The following ZNF699 variants were observed in gnomAD, a reference collection of about 807,000 sequenced individuals.
ZNF699 encodes the protein zinc finger protein 699.
Under a neutral mutation model 22.5 loss-of-function variants are expected in ZNF699, and 18 were observed. The observed-to-expected ratio is 0.80, with a 90% CI of 0.55 to 1.19. The LOEUF (loss-of-function observed/expected upper bound fraction) is 1.19, where lower values mean the gene tolerates loss of function less well. Among genes scored for constraint, ZNF699 ranks in the 50% most tolerant of loss-of-function variants. The pLI is 0.00. For missense variants in ZNF699, 670 were observed against 763.4 expected (o/e 0.88, Z 1.44); for synonymous variants, 241 against 262.3 (o/e 0.92, Z 0.78).
intron 1 of ZNF699, among the ~76,000 whole-genome samples, chr19:9,309,115 A>T (rs909298090): frequency 6.7e-6 from 1 of 150,104 alleles, no homozygotes; most frequent in African/African-American, 2.5e-5. Flanking sequence ...CTGGGAACAC[A>T]GGAGAGCACC....
intron 1 of ZNF699, among the ~76,000 whole-genome samples, chr19:9,305,662 C>G (rs1034422096): frequency 3.3e-5 from 5 of 152,122 alleles, no homozygotes; most frequent in African/African-American, 1.2e-4. Flanking sequence ...CCCCTGCCCC[C>G]ATGAGCTGCA....
chr19:9,299,797 C>T (rs7259459), intron 3 of ZNF699, among the ~76,000 whole-genome samples: 16,193 of 151,076 alleles, frequency 0.11, 2,504 homozygotes, highest in African/African-American at 0.34. Flanking sequence ...TATACAAAGA[C>T]TGTAGCAGAT....
Position 9,297,805 on chromosome 19 carries a change from C to A in ZNF699, c.286+75G>T. 8.4e-7 allele frequency: 1 copy of A among 1,197,104 alleles called. No individual in the cohort carries two copies. 74.2% of individuals were successfully genotyped at this position (1,197,104 alleles called of 1,614,324 possible). A position where few individuals can be genotyped will look rare whatever the true frequency, so the allele number is the denominator to read the frequency against. On this transcript the variant is annotated intron_variant, in intron 4 of 5. Coordinates refer to ENST00000591998, the MANE Select transcript of ZNF699 (RefSeq NM_198535.3). This position sits in a 1 kb window ranked among gnomAD's most constrained non-coding sequence, Gnocchi z 4.3. ...GGAAGATGAGCTTCCTCATATAAAA[C>A]AAAGTTTGTTTTTGTTTTTTACTTT...
In ZNF699 at chr19:9,309,745, CG is replaced by C. The variant is rs1003026907; in HGVS notation, c.-402del. 3.3e-5 allele frequency: 5 copies of C among 152,708 alleles called. No individual in the cohort carries two copies. Among genetic ancestry groups the C allele is most frequent in the Admixed American group, 6.5e-5 (1 of 15,320 alleles). 9.5% of individuals were successfully genotyped at this position (152,708 alleles called of 1,614,324 possible). ...CCGACCCGGGGCAGGCAGGGCGGGG[CG>C]GGGCAGGGCAGGACAGGAAGCGGGC... On this transcript the variant is annotated 5_prime_UTR_variant, in exon 1 of 6. Transcript: ENST00000591998.
chr19:9,296,772 T>C lies in ZNF699; in HGVS notation c.632A>G (p.Lys211Arg). The C allele has an allele frequency of 6.2e-6, 10 of 1,614,102 alleles. No individual in the cohort carries two copies. Among genetic ancestry groups the C allele is most frequent in the Non-Finnish European group, 8.5e-6 (10 of 1,180,022 alleles). The change falls in exon 6 of 6, where the codon AAG (lysine) becomes AGG (arginine). Residue 211 changes from lysine (K) to arginine (R), a missense_variant. Lys to Arg is a conservative substitution (Grantham distance 26, BLOSUM62 2). Transcript: ENST00000591998. ...GKAFVDHSSL[K>R]SHIRSHTGSK... ...TCCAGTATGAGACCTGATGTGACTC[T>C]TAAGGGATGAATGATCCACGAAGGC...
At position 9,291,378 on chromosome 19, in the gene ZNF699, C is replaced by T. The variant is rs544894546; in HGVS notation, c.*4097G>A. ...TAAAAAAGTTGGAAGGCTTTCACTA[C>T]CAGATTTCCAAAAATATTACAAAGC... On this transcript the variant is annotated 3_prime_UTR_variant, in exon 6 of 6. Coordinates refer to ENST00000591998, the MANE Select transcript of ZNF699 (RefSeq NM_198535.3). 6 of 152,186 alleles carry T rather than the reference C, an allele frequency of 3.9e-5. No homozygotes were observed. Among genetic ancestry groups the T allele is most frequent in the African/African-American group, 1.4e-4 (6 of 41,502 alleles). The allele number at this position is 152,186 out of a possible 1,614,324, so 9.4% of individuals were successfully genotyped here.
intron 3 of ZNF699, among the ~76,000 whole-genome samples, chr19:9,301,902 T>C (rs1349226611): frequency 6.7e-6 from 1 of 149,214 alleles, no homozygotes; most frequent in Non-Finnish European, 1.5e-5. Context: ...TATTTTCTTT[T>C]TTCTTTTTTT....
At chr19:9,307,271 G>C (rs1428664134) in intron 1 of ZNF699, among the ~76,000 whole-genome samples, 1 of 152,002 alleles carries the variant, frequency 6.6e-6, no homozygotes, top group Non-Finnish European at 1.5e-5. Context: ...CTATGTCTTG[G>C]GCAACGATGC....
In ZNF699 at chr19:9,296,172, C is replaced by T. The variant is rs773775371; in HGVS notation, c.1232G>A (p.Arg411Lys). Residue 411 changes from arginine (R) to lysine (K), a missense_variant, in exon 6 of 6, where the codon AGA becomes AAA. Transcript: ENST00000591998. Reference sequence around the variant, plus strand: ...ATACGGTTTTTCTCCAGTGTGTTTTCTCATATGGATACTTAAGGAGGAGGG... The same window carrying T: ...ATACGGTTTTTCTCCAGTGTGTTTTTTCATATGGATACTTAAGGAGGAGGG... ...NCPSSLSIHM[R>K]KHTGEKPYEC... 1 of 1,613,950 alleles carries T rather than the reference C, an allele frequency of 6.2e-7. No homozygotes were observed. Among genetic ancestry groups the T allele is most frequent in the Non-Finnish European group, 8.5e-7 (1 of 1,179,968 alleles).
Position 9,297,977 on chromosome 19 carries a change from G to C in ZNF699, c.189C>G (p.His63Gln). 6.2e-7 allele frequency: 1 copy of C among 1,611,544 alleles called. No individual in the cohort carries two copies. Among genetic ancestry groups the C allele is most frequent in the South Asian group, 1.1e-5 (1 of 90,980 alleles). Residue 63 changes from histidine to glutamine, a missense_variant, in exon 4 of 6, where the codon CAC (histidine) becomes CAG (glutamine). Coordinates refer to ENST00000591998, the MANE Select transcript of ZNF699 (RefSeq NM_198535.3). The surrounding 1 kb of genome is among the most constrained non-coding windows in gnomAD (Gnocchi z 4.3). ...CCCACTGGGAGATCAGATGGGGTGT[G>C]TGTAGCGGATACCCTGCACAAGCAG... ...QNLASLGYPLHTPHLISQWEQ... is the reference protein window; with the variant it reads ...QNLASLGYPLQTPHLISQWEQ...
Position 9,295,310 on chromosome 19 carries a change from G to T in ZNF699, c.*165C>A. ...ATAAGCAATGTTCATAAAGGCTTTA[G>T]CACATGACTTACATACACAGGGTTT... On this transcript the variant is annotated 3_prime_UTR_variant, in exon 6 of 6. Coordinates refer to ENST00000591998, the MANE Select transcript of ZNF699 (RefSeq NM_198535.3). 1 of 814,968 alleles carries T rather than the reference G, an allele frequency of 1.2e-6. No individual in the cohort carries two copies. Among genetic ancestry groups the T allele is most frequent in the Admixed American group, 2.7e-5 (1 of 37,658 alleles). 50.5% of individuals were successfully genotyped at this position (814,968 alleles called of 1,614,324 possible). A position where few individuals can be genotyped will look rare whatever the true frequency, so the allele number is the denominator to read the frequency against.
chr19:9,302,741 G>A (rs1228286331), intron 2 of ZNF699, among the ~76,000 whole-genome samples: 2 of 152,190 alleles, frequency 1.3e-5, no homozygotes, highest in African/African-American at 4.8e-5. Context: ...TAAATTGCCA[G>A]GCAAATTGGG....
chr19:9,295,847 T>C lies in ZNF699; in HGVS notation c.1557A>G (p.Thr519=), dbSNP rs377691940. The C allele has an allele frequency of 4.2e-5, 68 of 1,613,638 alleles. No homozygotes were observed. The highest frequency in any genetic ancestry group is 5.2e-5 in the Non-Finnish European group (61 of 1,179,958). ...GKAFISSSHL[T]VHIRTHTGEK... ...CTCCAGTGTGAGTTCTGATATGTACTGTAAGGTGGGAGGAACTAATAAAGG... is the reference window on the plus strand; with the variant it reads ...CTCCAGTGTGAGTTCTGATATGTACCGTAAGGTGGGAGGAACTAATAAAGG... The change falls in exon 6 of 6, where the codon ACA becomes ACG. Residue 519 remains threonine (T), a synonymous_variant. Transcript: ENST00000591998.
rs1387728686 is a variant in ZNF699 at position 9,294,818 on chromosome 19, A to G, written c.*657T>C. On this transcript the variant is annotated 3_prime_UTR_variant, in exon 6 of 6. Transcript: ENST00000591998. ...AAGCTTTTAATAGTAAAAATTTATC[A>G]TCTCAGAAACTCTAACGTCTCTTAG... is the stretch of plus-strand genomic sequence containing the variant. 1 of 152,182 alleles carries G rather than the reference A, an allele frequency of 6.6e-6. No individual in the cohort carries two copies. The highest frequency in any genetic ancestry group is 2.4e-5 in the African/African-American group (1 of 41,458). 9.4% of individuals were successfully genotyped at this position (152,182 alleles called of 1,614,324 possible).
intron 1 of ZNF699, among the ~76,000 whole-genome samples, chr19:9,309,136 CT>C (rs61471638): frequency 0.33 from 34,833 of 104,800 alleles, 4,411 homozygotes; most frequent in Middle Eastern, 0.4. Context: ...TTTTATTTTA[CT>C]TTTTTTTTTT....
Position 9,297,045 on chromosome 19 carries a change from C to G in ZNF699, c.471-112G>C, listed in dbSNP as rs2066289683. ...AAGCTGAAAGTTTTCACAGAGGGCT[C>G]TACGACAGCCAATACTGTCACTGAG... is the stretch of plus-strand genomic sequence containing the variant. On this transcript the variant is annotated intron_variant, in intron 5 of 5. Transcript: ENST00000591998. This position sits in a 1 kb window ranked among gnomAD's most constrained non-coding sequence, Gnocchi z 4.3. 2 of 952,046 alleles carry G rather than the reference C, an allele frequency of 2.1e-6. No homozygotes were observed. Among genetic ancestry groups the G allele is most frequent in the East Asian group, 2.7e-5 (1 of 37,734 alleles). The allele number at this position is 952,046 out of a possible 1,614,324, so 59.0% of individuals were successfully genotyped here. A position where few individuals can be genotyped will look rare whatever the true frequency, so the allele number is the denominator to read the frequency against.
At chr19:9,301,877 C>T (rs550392346) in intron 3 of ZNF699, among the ~76,000 whole-genome samples, 2 of 151,726 alleles carry the variant, frequency 1.3e-5, no homozygotes, top group East Asian at 3.9e-4. Context: ...AGCATCAGTT[C>T]AATATACAGA....
In ZNF699 at chr19:9,296,950, A is replaced by G. The variant is rs1196891559; in HGVS notation, c.471-17T>C. 2.0e-6 allele frequency: 3 copies of G among 1,530,716 alleles called. No homozygotes were observed. The highest frequency in any genetic ancestry group is 2.7e-6 in the Non-Finnish European group (3 of 1,130,438). 94.8% of individuals were successfully genotyped at this position (1,530,716 alleles called of 1,614,324 possible). On this transcript the variant is annotated splice_polypyrimidine_tract_variant and intron_variant, in intron 5 of 5. Coordinates refer to ENST00000591998, the MANE Select transcript of ZNF699 (RefSeq NM_198535.3). ...ATATGATTTCTTTTAAAAATAAAAGACACATTATTAGTAATAAATTTCTAC... is the reference window on the plus strand; with the variant it reads ...ATATGATTTCTTTTAAAAATAAAAGGCACATTATTAGTAATAAATTTCTAC...
In ZNF699 at chr19:9,297,851, C is replaced by T. The variant is rs2066292628; in HGVS notation, c.286+29G>A. On this transcript the variant is annotated intron_variant, in intron 4 of 5. Transcript: ENST00000591998. The surrounding 1 kb of genome is among the most constrained non-coding windows in gnomAD (Gnocchi z 4.3). Reference sequence around the variant, plus strand: ...ACTTTAAGTTTATTTTTTCCCCCAACCAAAACAGTTTCTCCCAAGGGTTCT... The same window carrying T: ...ACTTTAAGTTTATTTTTTCCCCCAATCAAAACAGTTTCTCCCAAGGGTTCT... 1.3e-6 allele frequency: 2 copies of T among 1,555,436 alleles called. No individual in the cohort carries two copies. Among genetic ancestry groups the T allele is most frequent in the African/African-American group, 1.4e-5 (1 of 73,180 alleles).
Sources: allele counts gnomAD v4.1 joint callset (sites outside exome capture counted in the v4.1 genomes callset), GRCh38; gene constraint gnomAD v4.1.1; non-coding constraint Gnocchi (gnomAD v3.1); transcripts MANE v1.5; gene names NCBI Gene and HGNC (gene_info 2026-07-23, HGNC 2026-07-21).